Variants in LMNTD1 observed in about 807,000 individuals in gnomAD.
LMNTD1 encodes lamin tail domain containing 1.
A neutral mutation model predicts 50.9 loss-of-function variants in LMNTD1; 35 were observed. That is an observed-to-expected ratio of 0.69 (90% confidence interval 0.53 to 0.91). The LOEUF (loss-of-function observed/expected upper bound fraction) is 0.91, where lower values mean the gene tolerates loss of function less well. LMNTD1 is among the 40% of genes least tolerant of loss of function. The pLI is 0.00. For synonymous variants in LMNTD1, 153 were observed against 161.9 expected, an observed-to-expected ratio of 0.94 and a Z score of 0.42; for missense variants, 470 against 475.5, an observed-to-expected ratio of 0.99 and a Z score of 0.11.
At chr12:25,642,993 G>A (rs978991683) in intron 1 of LMNTD1, among the ~76,000 whole-genome samples, 1 of 152,296 alleles carries the variant, frequency 6.6e-6, no homozygotes, top group South Asian at 2.1e-4. Flanking sequence ...TTCAGTTAAT[G>A]CAACGTTCCA....
chr12:25,520,286 T>C (rs868864700), intron 6 of LMNTD1, among the ~76,000 whole-genome samples: 1 of 151,494 alleles, frequency 6.6e-6, no homozygotes, highest in African/African-American at 2.4e-5. Context: ...CCAACACAAT[T>C]TCATTAACTA....
At chr12:25,489,988 G>C (rs774284495) in intron 9 of LMNTD1, among the ~76,000 whole-genome samples, 6 of 152,162 alleles carry the variant, frequency 3.9e-5, no homozygotes, top group Non-Finnish European at 5.9e-5. Flanking sequence ...AGAAAGCTTA[G>C]TTTCTTTTTA....
At chr12:25,523,772 T>A (rs1044014770) in intron 6 of LMNTD1, among the ~76,000 whole-genome samples, 1 of 148,358 alleles carries the variant, frequency 6.7e-6, no homozygotes, top group African/African-American at 2.5e-5. Context: ...ATAATGCATA[T>A]GGCTTTACCA....
At chr12:25,575,878 C>T (rs1231791058) in intron 1 of LMNTD1, among the ~76,000 whole-genome samples, 3 of 152,122 alleles carry the variant, frequency 2.0e-5, no homozygotes, top group Non-Finnish European at 2.9e-5. Context: ...GTGTAATGTT[C>T]TCCACCCTGT....
Position 25,533,710 on chromosome 12 carries a change from C to T in LMNTD1, c.492-6755G>A, listed in dbSNP as rs192547589. ...TTCAGTTCATTGGTACTACAAGAGC[C>T]CTCACGCCTGAAAGTTTTGATGGTA... On this transcript the variant is annotated intron_variant, in intron 4 of 9. Coordinates refer to ENST00000458174, the MANE Select transcript of LMNTD1 (RefSeq NM_001145728.2). Among the ~76,000 whole-genome samples, 10 of 152,160 alleles carry T rather than the reference C, an allele frequency of 6.6e-5. No individual in the cohort carries two copies. In the East Asian group the frequency reaches 1.9e-3, roughly 29 times the overall value.
chr12:25,569,799 G>C (rs1168441818), intron 1 of LMNTD1, among the ~76,000 whole-genome samples: 1 of 152,172 alleles, frequency 6.6e-6, no homozygotes, highest in Non-Finnish European at 1.5e-5. Flanking sequence ...CTTCCACCAT[G>C]ATTGTAAGTT....
chr12:25,534,993 C>T (rs185880958), intron 4 of LMNTD1, among the ~76,000 whole-genome samples: 188 of 152,106 alleles, frequency 1.2e-3, no homozygotes, highest in African/African-American at 4.3e-3. Context: ...CAATTTCTGA[C>T]ATACAATAAA....
intron 9 of LMNTD1, among the ~76,000 whole-genome samples, chr12:25,501,372 C>G (rs563837878): frequency 6.6e-6 from 1 of 152,280 alleles, no homozygotes; most frequent in East Asian, 1.9e-4. Flanking sequence ...GAACCTAAAT[C>G]TTTCTTGCAG....
intron 1 of LMNTD1, among the ~76,000 whole-genome samples, chr12:25,576,796 GT>G (rs1170714410): frequency 1.3e-5 from 2 of 152,158 alleles, no homozygotes; most frequent in African/African-American, 2.4e-5. Context: ...TATTGCCTAG[GT>G]TTTTTTCTAG....
At chr12:25,532,416 G>T (rs1247513103) in intron 4 of LMNTD1, among the ~76,000 whole-genome samples, 1 of 151,920 alleles carries the variant, frequency 6.6e-6, no homozygotes, top group Non-Finnish European at 1.5e-5. Flanking sequence ...TTTTTTTATA[G>T]GCCCTAAATG....
intron 1 of LMNTD1, among the ~76,000 whole-genome samples, chr12:25,646,776 T>A (rs991258434): frequency 2.6e-5 from 4 of 152,128 alleles, no homozygotes; most frequent in Admixed American, 6.6e-5. Flanking sequence ...CCTTAGAAAA[T>A]CCTTAAAAGG....
intron 5 of LMNTD1, 71 bp downstream of exon 5, chr12:25,526,698 C>T: frequency 9.7e-7 from 1 of 1,034,178 alleles, no homozygotes; most frequent in Non-Finnish European, 1.4e-6. Flanking sequence ...AGTGCTGAGC[C>T]ACAGACTGTC....
intron 1 of LMNTD1, among the ~76,000 whole-genome samples, chr12:25,579,619 A>G (rs73078342): frequency 0.044 from 6,675 of 152,148 alleles, 167 homozygotes; most frequent in Middle Eastern, 0.095. Context: ...CCCCAAACCA[A>G]GCTTATTATC....
chr12:25,503,874 C>A, intron 8 of LMNTD1, 74 bp from the exon 9 acceptor site: 1 of 727,914 alleles, frequency 1.4e-6, no homozygotes, highest in Non-Finnish European at 2.2e-6. Context: ...GTCCAGTATT[C>A]CAAGTATTGA....
chr12:25,512,659 T>TAGAATAGGGGG (rs1296625958), intron 8 of LMNTD1, among the ~76,000 whole-genome samples: 2 of 152,092 alleles, frequency 1.3e-5, no homozygotes, highest in Non-Finnish European at 2.9e-5. Flanking sequence ...AAATTCCTCT[T>TAGAATAGGGGG]AGGATAGGGG....
intron 9 of LMNTD1, among the ~76,000 whole-genome samples, chr12:25,498,559 T>C (rs1297282465): frequency 6.6e-6 from 1 of 152,180 alleles, no homozygotes; most frequent in Non-Finnish European, 1.5e-5. Flanking sequence ...GTAGAAACTG[T>C]GGAAGTTGTA....
chr12:25,608,354 T>C (rs1468399704), intron 1 of LMNTD1, among the ~76,000 whole-genome samples: 1 of 152,246 alleles, frequency 6.6e-6, no homozygotes. Context: ...TATTGTGATC[T>C]GTGAATGTGA....
At chr12:25,544,315 T>C (rs966999202) in intron 4 of LMNTD1, among the ~76,000 whole-genome samples, 6 of 151,870 alleles carry the variant, frequency 4.0e-5, no homozygotes, top group South Asian at 2.1e-4. Context: ...TATCATTATA[T>C]AGTGACCTTC....
At position 25,552,989 on chromosome 12, in the gene LMNTD1, C is replaced by T. The variant is rs1943863774; in HGVS notation, c.-30G>A. ...GCTAGAAAAGAAGTCTCTTTTCTTT[C>T]CTAGGAAAGCAGATCATGACATCAG... On this transcript the variant is annotated splice_region_variant and 5_prime_UTR_variant, in exon 2 of 10. Coordinates refer to ENST00000458174, the MANE Select transcript of LMNTD1 (RefSeq NM_001145728.2). 6.2e-7 allele frequency: 1 copy of T among 1,609,994 alleles called. No homozygotes were observed. The highest frequency in any genetic ancestry group is 8.5e-7 in the Non-Finnish European group (1 of 1,177,098).
Sources: gnomAD v4.1 joint callset for allele counts (sites outside exome capture counted in the v4.1 genomes callset) on GRCh38, gnomAD v4.1.1 for gene constraint, MANE v1.5 for transcripts, NCBI Gene and HGNC (gene_info 2026-07-23, HGNC 2026-07-21) for gene names.